DDAH1: variants seen among roughly 807,000 people sequenced by gnomAD.
DDAH1 encodes the protein N(G),N(G)-dimethylarginine dimethylaminohydrolase 1.
Under a neutral mutation model 28.8 loss-of-function variants are expected in DDAH1, and 19 were observed. The ratio of observed to expected loss-of-function variants is 0.66; its 90% CI spans 0.46 to 0.97. The LOEUF is 0.97. Among genes scored for constraint, DDAH1 ranks in the 50% least tolerant of loss-of-function variants. The probability of loss-of-function intolerance (pLI) is 0.00; values close to 1 mark genes in which losing one functional copy is unlikely to be tolerated. For missense variants in DDAH1, 326 were observed against 375.9 expected (o/e 0.87, Z 1.10); for synonymous variants, 153 against 154.4 (o/e 0.99, Z 0.07).
chr1:85,565,314 C>A (rs1234010679), intron 1 of DDAH1, among the ~76,000 whole-genome samples: 1 of 152,130 alleles, frequency 6.6e-6, no homozygotes, highest in African/African-American at 2.4e-5. Context: ...ATACTGCCAA[C>A]CTAGAAGTCC....
At chr1:85,572,103 G>A (rs1396658279) in intron 1 of DDAH1, among the ~76,000 whole-genome samples, 3 of 152,076 alleles carry the variant, frequency 2.0e-5, no homozygotes, top group Admixed American at 6.5e-5. Context: ...TACAGTAGAC[G>A]GATCTCTCAA....
intron 4 of DDAH1, among the ~76,000 whole-genome samples, chr1:85,343,207 A>ACAT (rs1648617485): frequency 6.6e-6 from 1 of 152,198 alleles, no homozygotes; most frequent in African/African-American, 2.4e-5. Flanking sequence ...AAAAAAAAGC[A>ACAT]CATTATTCCC....
intron 1 of DDAH1, among the ~76,000 whole-genome samples, chr1:85,380,833 G>T (rs973827492): frequency 6.6e-6 from 1 of 152,134 alleles, no homozygotes; most frequent in African/African-American, 2.4e-5. Context: ...TTATGTGTGT[G>T]TGTTATGAAA....
At chr1:85,561,227 A>G (rs1659130975) in intron 1 of DDAH1, among the ~76,000 whole-genome samples, 1 of 152,132 alleles carries the variant, frequency 6.6e-6, no homozygotes, top group African/African-American at 2.4e-5. Context: ...TACCTCAAAG[A>G]GTTATTAGGA....
intron 1 of DDAH1, among the ~76,000 whole-genome samples, chr1:85,413,610 T>A (rs1652755657): frequency 6.6e-6 from 1 of 152,208 alleles, no homozygotes; most frequent in Non-Finnish European, 1.5e-5. Context: ...AGAAGCAAGG[T>A]ATAGAAAACA....
intron 1 of DDAH1, among the ~76,000 whole-genome samples, chr1:85,389,569 T>A (rs1425683150): frequency 6.6e-6 from 1 of 152,142 alleles, no homozygotes; most frequent in African/African-American, 2.4e-5. Context: ...CTCATCATGA[T>A]GGGCTTTATA....
chr1:85,574,634 C>A (rs186215261), intron 1 of DDAH1, among the ~76,000 whole-genome samples: 2 of 152,166 alleles, frequency 1.3e-5, no homozygotes, highest in Non-Finnish European at 2.9e-5. Context: ...CTGCGGGGGA[C>A]GTTCAATATT....
At chr1:85,453,351 G>A (rs1397055846) in intron 1 of DDAH1, among the ~76,000 whole-genome samples, 1 of 152,106 alleles carries the variant, frequency 6.6e-6, no homozygotes, top group African/African-American at 2.4e-5. Flanking sequence ...CATGACAACT[G>A]CACTCCCCAT....
chr1:85,361,708 C>T (rs541014999), intron 1 of DDAH1, among the ~76,000 whole-genome samples: 2 of 152,178 alleles, frequency 1.3e-5, no homozygotes, highest in African/African-American at 2.4e-5. Context: ...GCATTTTTTG[C>T]CCCATTTTTC....
intron 3 of DDAH1, among the ~76,000 whole-genome samples, chr1:85,350,991 G>A (rs1274586503): frequency 1.3e-5 from 2 of 151,698 alleles, no homozygotes; most frequent in Non-Finnish European, 2.9e-5. Context: ...AGGCACTCAA[G>A]CACAGGTGAC....
chr1:85,339,623 G>A (rs753934851), intron 4 of DDAH1, among the ~76,000 whole-genome samples: 7 of 152,168 alleles, frequency 4.6e-5, no homozygotes, highest in Non-Finnish European at 1.0e-4. Context: ...GTATTTCTAA[G>A]GATGATCCAA....
At chr1:85,442,966 T>G (rs1240939) in intron 1 of DDAH1, among the ~76,000 whole-genome samples, 89,849 of 151,994 alleles carry the variant, frequency 0.59, 26,827 homozygotes, top group African/African-American at 0.66. Flanking sequence ...TTTTCTCCCA[T>G]TCTGTAGGCT....
At chr1:85,536,281 G>A (rs2100779383) in intron 1 of DDAH1, among the ~76,000 whole-genome samples, 1 of 152,180 alleles carries the variant, frequency 6.6e-6, no homozygotes, top group African/African-American at 2.4e-5. Context: ...CCTGCTGGGT[G>A]CGGTGGCTCA....
At chr1:85,374,205 A>G (rs1023295639) in intron 1 of DDAH1, among the ~76,000 whole-genome samples, 6 of 152,130 alleles carry the variant, frequency 3.9e-5, no homozygotes, top group Non-Finnish European at 1.5e-5. Context: ...TACTCCATCC[A>G]GGCTCTCACT....
chr1:85,424,994 CT>C (rs941471954), intron 1 of DDAH1, among the ~76,000 whole-genome samples: 2 of 151,664 alleles, frequency 1.3e-5, no homozygotes, highest in African/African-American at 2.4e-5. Context: ...AAGAGTATCC[CT>C]TTTTTTTATT....
chr1:85,488,957 C>T (rs12089091), intron 2 of DDAH1, among the ~76,000 whole-genome samples: 2,673 of 152,254 alleles, frequency 0.018, 41 homozygotes, highest in Middle Eastern at 0.071. Flanking sequence ...ATGGTGACTG[C>T]ATTTGAAAAT....
chr1:85,499,207 A>G (rs1165268264), intron 1 of DDAH1, among the ~76,000 whole-genome samples: 2 of 152,148 alleles, frequency 1.3e-5, no homozygotes, highest in African/African-American at 4.8e-5. Flanking sequence ...AGGGATAAAA[A>G]AGAATATATA....
At chr1:85,490,280 G>A (rs966027011) in intron 2 of DDAH1, among the ~76,000 whole-genome samples, 3 of 152,166 alleles carry the variant, frequency 2.0e-5, no homozygotes, top group Non-Finnish European at 2.9e-5. Context: ...AGTAATCAAG[G>A]TAACCTTGAA....
chr1:85,557,360 T>C (rs548425457), intron 1 of DDAH1, among the ~76,000 whole-genome samples: 1 of 152,366 alleles, frequency 6.6e-6, no homozygotes, highest in Admixed American at 6.5e-5. Context: ...CTGTGAGTTC[T>C]GCATCAATTA....
Sources: allele counts gnomAD v4.1 joint callset (sites outside exome capture counted in the v4.1 genomes callset), GRCh38; gene constraint gnomAD v4.1.1; transcripts MANE v1.5; gene names NCBI Gene and HGNC (gene_info 2026-07-23, HGNC 2026-07-21).